Variants in ERC1 observed in about 807,000 individuals in gnomAD.
The protein encoded by ERC1 is ELKS/RAB6-interacting/CAST family member 1.
In ERC1, 56 loss-of-function variants were observed where a neutral mutation model predicts 132.0. The ratio of observed to expected loss-of-function variants is 0.42; its 90% CI spans 0.34 to 0.53. ERC1 has a LOEUF of 0.53. Ranked by LOEUF, ERC1 falls within the 20% of genes least tolerant of loss-of-function variation. ERC1 has a pLI of 0.03. For synonymous variants in ERC1, 478 were observed against 476.1 expected (o/e 1.00, Z -0.05); for missense variants, 1,202 against 1,349.9 (o/e 0.89, Z 1.72).
chr12:1,368,615 C>A (rs1042529290), intron 15 of ERC1, among the ~76,000 whole-genome samples: 1 of 152,142 alleles, frequency 6.6e-6, no homozygotes, highest in Non-Finnish European at 1.5e-5. Flanking sequence ...CAGCAATTTT[C>A]GTATTCCCTA....
At chr12:1,335,559 A>G (rs2083240525) in intron 15 of ERC1, among the ~76,000 whole-genome samples, 1 of 151,938 alleles carries the variant, frequency 6.6e-6, no homozygotes, top group Non-Finnish European at 1.5e-5. Context: ...CCAACCTTGC[A>G]TCGTAGAGAC....
chr12:1,420,343 C>G (rs1368661519), intron 17 of ERC1, among the ~76,000 whole-genome samples: 1 of 152,154 alleles, frequency 6.6e-6, no homozygotes, highest in African/African-American at 2.4e-5. Context: ...GAAAAATACT[C>G]TGAACCAGGG....
rs540890154 is a variant in ERC1, at chr12:1,100,143, C to T, written c.1087-4607C>T. The stretch of plus-strand genomic sequence containing the variant: ...GATTACAGGCATGAACCACCGCTCC[C>T]AGCCGAGACTTTGACTTTTGAACAG... On this transcript the variant is annotated intron_variant, in intron 3 of 18. Coordinates refer to ENST00000360905, the MANE Select transcript of ERC1 (RefSeq NM_178040.4). 3.4e-3 allele frequency among the ~76,000 whole-genome samples: 512 copies of T among 152,192 alleles called. 4 individuals are homozygous for T. Among genetic ancestry groups the T allele is most frequent in the African/African-American group, 0.012 (481 of 41,528 alleles).
chr12:1,385,559 C>A (rs1181042439), intron 16 of ERC1, among the ~76,000 whole-genome samples: 1 of 152,070 alleles, frequency 6.6e-6, no homozygotes, highest in East Asian at 1.9e-4. Context: ...TGCTGGGATT[C>A]CAGGCGTGAG....
chr12:1,035,521 G>A (rs1968889117), intron 2 of ERC1, among the ~76,000 whole-genome samples: 1 of 152,152 alleles, frequency 6.6e-6, no homozygotes, highest in African/African-American at 2.4e-5. Context: ...AACAGGGAAG[G>A]CTTTTTCTTT....
chr12:995,290 C>T (rs1212309622), intron 1 of ERC1, among the ~76,000 whole-genome samples: 2 of 151,880 alleles, frequency 1.3e-5, no homozygotes, highest in Non-Finnish European at 2.9e-5. Flanking sequence ...AAAGTACGGG[C>T]AGTAGTCAGG....
chr12:1,095,539 G>A (rs1041052348), intron 3 of ERC1, among the ~76,000 whole-genome samples: 2 of 151,962 alleles, frequency 1.3e-5, no homozygotes, highest in African/African-American at 4.8e-5. Context: ...AACATTAAAT[G>A]GACTAAGACA....
intron 14 of ERC1, among the ~76,000 whole-genome samples, chr12:1,277,804 G>T (rs536216523): frequency 6.6e-6 from 1 of 152,274 alleles, no homozygotes; most frequent in African/African-American, 2.4e-5. Flanking sequence ...TTTTTAAAAT[G>T]TAAGATGTTA....
chr12:1,472,216 T>C (rs1404338290), intron 18 of ERC1, among the ~76,000 whole-genome samples: 4 of 152,246 alleles, frequency 2.6e-5, no homozygotes, highest in African/African-American at 9.6e-5. Context: ...AACTGTTTTA[T>C]TTCTTTTAGG....
chr12:1,017,151 C>A (rs1403710154), intron 1 of ERC1, among the ~76,000 whole-genome samples: 1 of 152,060 alleles, frequency 6.6e-6, no homozygotes, highest in Non-Finnish European at 1.5e-5. Flanking sequence ...TATGTGCCAC[C>A]ACGCCCAGCT....
intron 8 of ERC1, among the ~76,000 whole-genome samples, chr12:1,165,432 A>G (rs1952311366): frequency 2.6e-5 from 4 of 151,842 alleles, no homozygotes; most frequent in Non-Finnish European, 5.9e-5. Context: ...CAGCCTCCCG[A>G]GTAGCTGGGA....
chr12:1,370,012 T>G (rs903293750), intron 15 of ERC1, among the ~76,000 whole-genome samples: 2 of 152,232 alleles, frequency 1.3e-5, no homozygotes, highest in Non-Finnish European at 2.9e-5. Context: ...CTCTTCCATA[T>G]GACTGCTGTT....
chr12:1,257,001 C>T (rs1456214579), intron 13 of ERC1: 2 of 150,814 alleles, frequency 1.3e-5, no homozygotes, highest in Non-Finnish European at 2.9e-5. Flanking sequence ...CGTTCATGCC[C>T]TTGTGTAGTC....
rs532112137 is a variant in ERC1 at position 1,354,825 on chromosome 12, A to G, written c.2781-17008A>G. Among the ~76,000 whole-genome samples, 4 of 152,222 alleles carry G rather than the reference A, an allele frequency of 2.6e-5. No homozygotes were observed. The East Asian group carries it at 5.8e-4, about 22-fold the overall frequency. On this transcript the variant is annotated intron_variant, in intron 15 of 18. Transcript: ENST00000360905. ...GCCCGGCTAGTTTTTGTGTTTTTGTAGAGACGGGGTGTCACCAAGTTGGCC... is the reference window on the plus strand; with the variant it reads ...GCCCGGCTAGTTTTTGTGTTTTTGTGGAGACGGGGTGTCACCAAGTTGGCC...
intron 1 of ERC1, among the ~76,000 whole-genome samples, chr12:999,283 T>G (rs1290261295): frequency 6.6e-6 from 1 of 152,180 alleles, no homozygotes; most frequent in East Asian, 1.9e-4. Flanking sequence ...ATGTCTTCAG[T>G]TTTTACCTCT....
chr12:1,210,854 G>T (rs1446374791), intron 12 of ERC1, among the ~76,000 whole-genome samples: 1 of 152,030 alleles, frequency 6.6e-6, no homozygotes, highest in African/African-American at 2.4e-5. Flanking sequence ...AATTAGTTGG[G>T]TGTGGTGGCA....
At chr12:1,208,956 GATT>G (rs1256405397) in intron 12 of ERC1, among the ~76,000 whole-genome samples, 26 of 107,198 alleles carry the variant, frequency 2.4e-4, no homozygotes, top group African/African-American at 1.0e-3. Flanking sequence ...ACGCCCAGCT[GATT>G]TTTTTTTTTT....
chr12:1,447,237 A>G (rs561489780), intron 18 of ERC1, among the ~76,000 whole-genome samples: 4 of 151,594 alleles, frequency 2.6e-5, no homozygotes, highest in Admixed American at 6.6e-5. Context: ...AAGCAGTGCT[A>G]CTGGGCACAG....
intron 16 of ERC1, among the ~76,000 whole-genome samples, chr12:1,397,603 G>A (rs2090648881): frequency 6.6e-6 from 1 of 152,182 alleles, no homozygotes; most frequent in Non-Finnish European, 1.5e-5. Context: ...GGGGGAACAT[G>A]TGCAATTATA....
Sources: gnomAD v4.1 joint callset for allele counts (sites outside exome capture counted in the v4.1 genomes callset) on GRCh38, gnomAD v4.1.1 for gene constraint, MANE v1.5 for transcripts, NCBI Gene and HGNC (gene_info 2026-07-23, HGNC 2026-07-21) for gene names.